The following TRIM43B variants were observed in gnomAD, a reference collection of about 807,000 sequenced individuals.
TRIM43B encodes the protein tripartite motif-containing protein 43B.
Under a neutral mutation model 27.0 loss-of-function variants are expected in TRIM43B, and 15 were observed. The ratio of observed to expected loss-of-function variants is 0.55; its 90% CI spans 0.37 to 0.85. The LOEUF (loss-of-function observed/expected upper bound fraction) is 0.85, where lower values mean the gene tolerates loss of function less well. Ranked by LOEUF, TRIM43B falls within the 40% of genes least tolerant of loss-of-function variation. The pLI is 0.00. For synonymous variants in TRIM43B, 69 were observed against 97.8 expected, an observed-to-expected ratio of 0.71 and a Z score of 1.74; for missense variants, 172 against 289.8, an observed-to-expected ratio of 0.59 and a Z score of 2.95.
chr2:95,481,167 G>A (rs1451731035), intron 3 of TRIM43B, among the ~76,000 whole-genome samples: 8 of 151,718 alleles, frequency 5.3e-5, no homozygotes, highest in African/African-American at 4.8e-5. Context: ...TCTCCTACTC[G>A]GACTGGCATC....
Position 95,481,707 on chromosome 2 carries a change from G to T in TRIM43B, c.412-17C>A. 1 of 1,608,100 alleles carries T rather than the reference G, an allele frequency of 6.2e-7. No individual in the cohort carries two copies. The highest frequency in any genetic ancestry group is 8.5e-7 in the Non-Finnish European group (1 of 1,177,428). On this transcript the variant is annotated splice_polypyrimidine_tract_variant and intron_variant, in intron 2 of 6. Transcript: ENST00000639673. ...GAGTTTCTCCTGCAAAAGAATTAAA[G>T]GTTGAACAGAAAGTCAAATACCAAA...
At chr2:95,483,255 A>G (rs529983529) in intron 1 of TRIM43B, among the ~76,000 whole-genome samples, 2 of 152,264 alleles carry the variant, frequency 1.3e-5, no homozygotes, top group South Asian at 4.2e-4. Context: ...TTTACTCTCC[A>G]AGGAAAAACA....
At chr2:95,482,853 A>T (rs1683560034) in intron 1 of TRIM43B, 135 bp from the exon 2 acceptor site, 4 of 1,479,618 alleles carry the variant, frequency 2.7e-6, no homozygotes, top group African/African-American at 2.8e-5. Context: ...GCAATGACAG[A>T]AATAGGAAAA....
At chr2:95,480,325 G>T in exon 4 of TRIM43B, 1 of 1,609,006 alleles carries the variant, frequency 6.2e-7, no homozygotes. Context: ...TCCACCTCTG[G>T]TTTATGACAC....
Position 95,483,838 on chromosome 2 carries a change from C to A in TRIM43B, c.-5+768G>T, listed in dbSNP as rs554220935. 1.3e-3 allele frequency among the ~76,000 whole-genome samples: 197 copies of A among 151,736 alleles called. 1 individual carries two copies. Among genetic ancestry groups the A allele is most frequent in the Non-Finnish European group, 2.4e-3 (160 of 67,872 alleles). ...GCAAGACTCTGTCTCCCCCCCAAAA[C>A]AAAAACAAAAACAAAAACGAGGCAC... On this transcript the variant is annotated intron_variant, in intron 1 of 6. Transcript: ENST00000639673.
chr2:95,480,520 G>C (rs781744171), exon 4 of TRIM43B: 8 of 1,608,284 alleles, frequency 5.0e-6, no homozygotes, highest in Non-Finnish European at 5.9e-6. Flanking sequence ...ATCTGTGCCC[G>C]TAAAACCACA....
intron 2 of TRIM43B, 39 bp from the exon 3 acceptor site, chr2:95,481,729 C>A (rs1235956890): frequency 1.3e-6 from 2 of 1,591,646 alleles, no homozygotes; most frequent in South Asian, 1.1e-5. Context: ...AGTCAAATAC[C>A]AAAGATTCCA....
chr2:95,483,988 A>G (rs181073346), intron 1 of TRIM43B, among the ~76,000 whole-genome samples: 18 of 149,760 alleles, frequency 1.2e-4, no homozygotes, highest in African/African-American at 4.4e-4. Flanking sequence ...TCAGGCAGGT[A>G]TTTTGAGCTC....
chr2:95,484,644 C>G (rs576955313), exon 1 of TRIM43B: 1 of 152,178 alleles, frequency 6.6e-6, no homozygotes, highest in African/African-American at 2.4e-5. Context: ...AGCTTGCTGT[C>G]GAATCAGATG....
At chr2:95,481,723 A>G (rs772236542) in intron 2 of TRIM43B, 33 bp from the exon 3 acceptor site, 2 of 1,600,594 alleles carry the variant, frequency 1.2e-6, no homozygotes, top group Admixed American at 1.7e-5. Context: ...ACAGAAAGTC[A>G]AATACCAAAG....
rs1367801813 is a variant in TRIM43B at position 95,481,888 on chromosome 2, T to C, written c.412-198A>G. Among the ~76,000 whole-genome samples the C allele has an allele frequency of 2.6e-5, 4 of 151,980 alleles. No individual in the cohort carries two copies. The East Asian group carries it at 7.7e-4, about 29-fold the overall frequency. Reference sequence around the variant, plus strand: ...TAGAACAGTTTAGGGAACTGAAGAGTGAAGATTTCCTGTAACCCAGCTAAA... The same window carrying C: ...TAGAACAGTTTAGGGAACTGAAGAGCGAAGATTTCCTGTAACCCAGCTAAA... On this transcript the variant is annotated intron_variant, in intron 2 of 6. Coordinates refer to ENST00000639673, the Ensembl canonical transcript of TRIM43B.
intron 3 of TRIM43B, 106 bp from the exon 4 acceptor site, chr2:95,480,641 A>G: frequency 8.5e-7 from 1 of 1,172,072 alleles, no homozygotes. Flanking sequence ...CATCCTTTAC[A>G]AACAGGATGA....
intron 1 of TRIM43B, among the ~76,000 whole-genome samples, chr2:95,483,869 A>T (rs1683585856): frequency 6.6e-6 from 1 of 151,952 alleles, no homozygotes; most frequent in South Asian, 2.1e-4. Flanking sequence ...GGCACTAGAC[A>T]GTTAAGTCAG....
intron 2 of TRIM43B, 78 bp downstream of exon 2, chr2:95,482,226 C>G (rs965724880): frequency 2.9e-6 from 4 of 1,398,146 alleles, no homozygotes; most frequent in African/African-American, 1.5e-5. Flanking sequence ...GAGTAATCAC[C>G]GTGATTCTCA....
intron 1 of TRIM43B, 63 bp from the exon 2 acceptor site, chr2:95,482,781 G>C (rs1237796892): frequency 6.5e-7 from 1 of 1,540,622 alleles, no homozygotes; most frequent in African/African-American, 1.4e-5. Context: ...TCCAAGCAAA[G>C]TTTGAATCAG....
At chr2:95,481,360 T>C (rs996952110) in intron 3 of TRIM43B, among the ~76,000 whole-genome samples, 1 of 152,188 alleles carries the variant, frequency 6.6e-6, no homozygotes, top group Non-Finnish European at 1.5e-5. Context: ...GAAATACTTA[T>C]TAATTTTAAG....
At chr2:95,482,674 G>T in exon 2 of TRIM43B, 1 of 1,613,838 alleles carries the variant, frequency 6.2e-7, no homozygotes, top group Non-Finnish European at 8.5e-7. Context: ...GATGACACAG[G>T]TGAGTTCCTT....
intron 1 of TRIM43B, 59 bp from the exon 2 acceptor site, chr2:95,482,777 C>G: frequency 6.5e-7 from 1 of 1,542,238 alleles, no homozygotes; most frequent in Non-Finnish European, 8.7e-7. Flanking sequence ...AAGATCCAAG[C>G]AAAGTTTGAA....
chr2:95,481,193 T>C (rs1236433615), intron 3 of TRIM43B, among the ~76,000 whole-genome samples: 1 of 152,096 alleles, frequency 6.6e-6, no homozygotes, highest in Non-Finnish European at 1.5e-5. Context: ...GGTCCTTTGC[T>C]ACCAGATTTC....
Sources: gnomAD v4.1 joint callset for allele counts (sites outside exome capture counted in the v4.1 genomes callset) on GRCh38, gnomAD v4.1.1 for gene constraint, MANE v1.5 for transcripts, NCBI Gene and HGNC (gene_info 2026-07-23, HGNC 2026-07-21) for gene names.